Variants in TTC28 observed in about 807,000 individuals in gnomAD.
TTC28 encodes the protein tetratricopeptide repeat domain 28, also known as tetratricopeptide repeat protein 28.
In TTC28, 61 loss-of-function variants were observed where a neutral mutation model predicts 198.0. That is an observed-to-expected ratio of 0.31 (90% CI 0.25 to 0.38). The LOEUF (loss-of-function observed/expected upper bound fraction) is 0.38. TTC28 is among the 10% of genes least tolerant of loss of function. TTC28 has a pLI of 1.00. For synonymous variants in TTC28, 1,171 were observed against 1,297.8 expected (o/e 0.90, Z 2.10); for missense variants, 2,678 against 3,164.0 (o/e 0.85, Z 3.69).
intron 2 of TTC28, among the ~76,000 whole-genome samples, chr22:28,412,255 G>A (rs185288558): frequency 3.9e-5 from 6 of 152,170 alleles, no homozygotes; most frequent in Non-Finnish European, 2.9e-5. Flanking sequence ...ATTACAAACT[G>A]CCTCAGGTTG....
intron 1 of TTC28, among the ~76,000 whole-genome samples, chr22:28,649,643 C>G (rs907744422): frequency 6.6e-6 from 1 of 152,160 alleles, no homozygotes; most frequent in Admixed American, 6.5e-5. Context: ...ACAGTGTTCT[C>G]TTGAGATGGT....
intron 2 of TTC28, among the ~76,000 whole-genome samples, chr22:28,524,662 T>C (rs556544602): frequency 6.6e-6 from 1 of 152,012 alleles, no homozygotes; most frequent in Non-Finnish European, 1.5e-5. Flanking sequence ...CAAACAAATA[T>C]ATGCAAAATG....
At chr22:28,399,307 G>A (rs1447072944) in intron 2 of TTC28, among the ~76,000 whole-genome samples, 2 of 144,266 alleles carry the variant, frequency 1.4e-5, no homozygotes, top group African/African-American at 5.0e-5. Context: ...TATAAGTTGA[G>A]ACTAAAACTG....
chr22:28,672,840 T>C (rs1324833654), intron 1 of TTC28, among the ~76,000 whole-genome samples: 1 of 152,208 alleles, frequency 6.6e-6, no homozygotes, highest in Non-Finnish European at 1.5e-5. Context: ...GAAAAAACCC[T>C]TTTTCATCAT....
chr22:28,014,697 A>C (rs974369253), intron 13 of TTC28, among the ~76,000 whole-genome samples: 1 of 152,178 alleles, frequency 6.6e-6, no homozygotes, highest in Non-Finnish European at 1.5e-5. Context: ...TCCTGTGTGG[A>C]GCAATTGTGT....
intron 5 of TTC28, among the ~76,000 whole-genome samples, chr22:28,181,092 T>C (rs1923651294): frequency 6.6e-6 from 1 of 152,226 alleles, no homozygotes. Context: ...AGCTTCTCCA[T>C]GGTAACCTGT....
At chr22:28,069,968 A>AC (rs1601585457) in intron 12 of TTC28, among the ~76,000 whole-genome samples, 2 of 147,528 alleles carry the variant, frequency 1.4e-5, no homozygotes, top group Non-Finnish European at 3.0e-5. Flanking sequence ...ACACACACAC[A>AC]AATGCCCCTT....
Position 28,005,576 on chromosome 22 carries a change from G to A in TTC28, c.4219-4023C>T, listed in dbSNP as rs1388931961. On this transcript the variant is annotated intron_variant, in intron 14 of 22. Transcript: ENST00000397906. This position sits in a 1 kb window ranked among gnomAD's most constrained non-coding sequence, Gnocchi z 4.9. ...CTGAGGAGGCAGGAGCCCTCCTGCT[G>A]GCCTGGGTCAGTGGTGGGTGAGGAC... 6.6e-6 allele frequency among the ~76,000 whole-genome samples: 1 copy of A among 152,198 alleles called. No homozygotes were observed. The highest frequency in any genetic ancestry group is 1.5e-5 in the Non-Finnish European group (1 of 68,020).
At chr22:28,654,359 C>T (rs1479490054) in intron 1 of TTC28, among the ~76,000 whole-genome samples, 2 of 152,084 alleles carry the variant, frequency 1.3e-5, no homozygotes, top group Non-Finnish European at 2.9e-5. Context: ...GGCGGAGTCT[C>T]GCTCTGTCAC....
chr22:28,446,476 G>A (rs2047703798), intron 2 of TTC28, among the ~76,000 whole-genome samples: 1 of 152,278 alleles, frequency 6.6e-6, no homozygotes, highest in South Asian at 2.1e-4. Context: ...TTCGGATCAT[G>A]GGGCTGGATC....
At chr22:28,637,928 T>C (rs1438006483) in intron 1 of TTC28, among the ~76,000 whole-genome samples, 1 of 152,132 alleles carries the variant, frequency 6.6e-6, no homozygotes, top group Admixed American at 6.5e-5. Context: ...TTAGACAAAA[T>C]AGACTTTAAG....
chr22:27,987,474 A>G (rs1032762112), intron 21 of TTC28, among the ~76,000 whole-genome samples: 1 of 152,044 alleles, frequency 6.6e-6, no homozygotes, highest in African/African-American at 2.4e-5. Flanking sequence ...GCTCACGCCT[A>G]TAATCCCAAC....
At chr22:28,674,265 G>GT (rs943369337) in intron 1 of TTC28, among the ~76,000 whole-genome samples, 6,769 of 107,564 alleles carry the variant, frequency 0.063, 324 homozygotes, top group African/African-American at 0.12. Context: ...TTTCTTTGTG[G>GT]TTTTTTTTTT....
chr22:28,632,253 C>CTTTTTTTTT lies in TTC28; in HGVS notation c.103-2432_103-2424dup, dbSNP rs765447917. ...ATATCAGTGTCCAAGTTATATTCAACTTTTTTTTTTTTTTTTTTTTTTTTT... is the reference window on the plus strand; with the variant it reads ...ATATCAGTGTCCAAGTTATATTCAACTTTTTTTTTTTTTTTTTTTTTTTTTTTTTTTTTT... On this transcript the variant is annotated intron_variant, in intron 1 of 22. Coordinates refer to ENST00000397906, the MANE Select transcript of TTC28 (RefSeq NM_001145418.2). Among the ~76,000 whole-genome samples, 22 of 49,698 alleles carry CTTTTTTTTT rather than the reference C, an allele frequency of 4.4e-4. 1 individual carries two copies. The highest frequency in any genetic ancestry group is 1.0e-3 in the African/African-American group (13 of 12,806). The allele number at this position is 49,698 out of a possible 152,430, so 32.6% of individuals were successfully genotyped here.
intron 2 of TTC28, among the ~76,000 whole-genome samples, chr22:28,484,300 T>TG (rs1349834739): frequency 6.6e-6 from 1 of 151,984 alleles, no homozygotes; most frequent in African/African-American, 2.4e-5. Context: ...TTTATACGGA[T>TG]GGGGTCTCAC....
chr22:28,662,190 G>A (rs1240384511), intron 1 of TTC28, among the ~76,000 whole-genome samples: 2 of 152,124 alleles, frequency 1.3e-5, no homozygotes, highest in Non-Finnish European at 2.9e-5. Flanking sequence ...ATTCCAGAAT[G>A]GTGTGCCAAC....
chr22:28,564,125 A>C (rs2049933259), intron 2 of TTC28, among the ~76,000 whole-genome samples: 1 of 152,080 alleles, frequency 6.6e-6, no homozygotes, highest in African/African-American at 2.4e-5. Flanking sequence ...CCAGGGGCTG[A>C]TGGAAGAGGA....
chr22:28,533,855 A>T (rs554413673), intron 2 of TTC28, among the ~76,000 whole-genome samples: 1 of 152,380 alleles, frequency 6.6e-6, no homozygotes, highest in African/African-American at 2.4e-5. Context: ...CGGACTAGCC[A>T]TATGTAGAAA....
chr22:28,543,107 T>G (rs2049452870), intron 2 of TTC28, among the ~76,000 whole-genome samples: 1 of 152,066 alleles, frequency 6.6e-6, no homozygotes, highest in African/African-American at 2.4e-5. Flanking sequence ...GGCCAAGTTG[T>G]GAGGACTGCT....
Sources: gnomAD v4.1 joint callset for allele counts (sites outside exome capture counted in the v4.1 genomes callset) on GRCh38, gnomAD v4.1.1 for gene constraint, Gnocchi (gnomAD v3.1) non-coding constraint, MANE v1.5 for transcripts, NCBI Gene and HGNC (gene_info 2026-07-23, HGNC 2026-07-21) for gene names.